Variants in BCL2L11 observed in about 807,000 individuals in gnomAD.
BCL2L11 encodes the protein bcl-2-like protein 11.
Under a neutral mutation model 20.6 loss-of-function variants are expected in BCL2L11, and 15 were observed. That is an observed-to-expected ratio of 0.73 (90% CI 0.49 to 1.12). The LOEUF is 1.12. Ranked by LOEUF, BCL2L11 falls within the 50% of genes most tolerant of loss-of-function variation. The probability of loss-of-function intolerance (pLI) is 0.00; values close to 1 mark genes in which losing one functional copy is unlikely to be tolerated. For synonymous variants in BCL2L11, 108 were observed against 92.8 expected, an observed-to-expected ratio of 1.16 and a Z score of -0.94; for missense variants, 292 against 260.9, an observed-to-expected ratio of 1.12 and a Z score of -0.82.
At chr2:111,136,518 C>G (rs1457647853) in intron 2 of BCL2L11, among the ~76,000 whole-genome samples, 2 of 152,136 alleles carry the variant, frequency 1.3e-5, no homozygotes, top group Non-Finnish European at 2.9e-5. Context: ...TTGTCTTAGT[C>G]CCTTTGAGCT....
chr2:111,150,761 T>A (rs1215083966), intron 3 of BCL2L11, among the ~76,000 whole-genome samples: 1 of 152,266 alleles, frequency 6.6e-6, no homozygotes, highest in African/African-American at 2.4e-5. Context: ...AGCTATGTTC[T>A]TGATTTTTTA....
intron 2 of BCL2L11, among the ~76,000 whole-genome samples, chr2:111,125,476 C>G (rs1559015270): frequency 6.6e-6 from 1 of 152,156 alleles, no homozygotes; most frequent in Non-Finnish European, 1.5e-5. Context: ...ATTAGGAAAC[C>G]CAGTACAGAG....
intron 3 of BCL2L11, among the ~76,000 whole-genome samples, chr2:111,157,267 C>T (rs1575185045): frequency 6.6e-6 from 1 of 152,106 alleles, no homozygotes; most frequent in Non-Finnish European, 1.5e-5. Context: ...TTTTAAATCT[C>T]TTGAGGAGGA....
At chr2:111,139,728 G>A (rs2075508607) in intron 2 of BCL2L11, among the ~76,000 whole-genome samples, 1 of 152,210 alleles carries the variant, frequency 6.6e-6, no homozygotes, top group African/African-American at 2.4e-5. Flanking sequence ...GTTTGTAAGA[G>A]GCCAGGCCTT....
At chr2:111,137,004 C>T (rs1352003716) in intron 2 of BCL2L11, among the ~76,000 whole-genome samples, 1 of 152,026 alleles carries the variant, frequency 6.6e-6, no homozygotes, top group Non-Finnish European at 1.5e-5. Context: ...GTGTGACTCT[C>T]ATGGTGTGAC....
chr2:111,129,768 C>T (rs2073514428), intron 2 of BCL2L11, among the ~76,000 whole-genome samples: 1 of 152,244 alleles, frequency 6.6e-6, no homozygotes, highest in Non-Finnish European at 1.5e-5. Context: ...TAGCCACAGC[C>T]ACCTTTCTGT....
Position 111,121,200 on chromosome 2 carries a change from C to A in BCL2L11, c.-14+12C>A. ...CTGAGAAACGCAAGGTAAATACCTCCAAATCCCGGGGCGCGGGCCTGGCAC... is the reference window on the plus strand; with the variant it reads ...CTGAGAAACGCAAGGTAAATACCTCAAAATCCCGGGGCGCGGGCCTGGCAC... On this transcript the variant is annotated intron_variant, in intron 1 of 3. Transcript: ENST00000393256. 1 of 224,646 alleles carries A rather than the reference C, an allele frequency of 4.5e-6. No homozygotes were observed. The highest frequency in any genetic ancestry group is 8.8e-6 in the Non-Finnish European group (1 of 113,286). 13.9% of individuals were successfully genotyped at this position (224,646 alleles called of 1,614,324 possible).
chr2:111,128,705 A>G, intron 2 of BCL2L11: 1 of 1,549,904 alleles, frequency 6.5e-7, no homozygotes, highest in East Asian at 2.4e-5. Flanking sequence ...TATGGCCACC[A>G]CCATAGTCAA....
chr2:111,123,171 C>T, intron 1 of BCL2L11: 1 of 985,450 alleles, frequency 1.0e-6, no homozygotes, highest in South Asian at 4.7e-5. Context: ...GGAGAGAGCG[C>T]CAGAGCCGGG....
intron 2 of BCL2L11, among the ~76,000 whole-genome samples, chr2:111,139,165 G>A (rs72948337): frequency 1.1e-4 from 16 of 152,182 alleles, no homozygotes; most frequent in African/African-American, 2.2e-4. Context: ...GGAGGGGGGC[G>A]TGGGAAGAGG....
At chr2:111,146,121 A>G (rs3761704) in intron 2 of BCL2L11, 126,972 of 984,766 alleles carry the variant, frequency 0.13, 8,405 homozygotes, top group East Asian at 0.26. Flanking sequence ...TATGGAGTGA[A>G]GTGCTTTCAT....
chr2:111,143,688 G>C (rs1170434759), intron 2 of BCL2L11, among the ~76,000 whole-genome samples: 1 of 152,166 alleles, frequency 6.6e-6, no homozygotes, highest in Admixed American at 6.5e-5. Flanking sequence ...GCAAGATGCT[G>C]GGCTTCTGTC....
chr2:111,157,926 TC>T lies in BCL2L11; in HGVS notation c.499-6205del, dbSNP rs1184812375. Among the ~76,000 whole-genome samples, 6 of 152,160 alleles carry T rather than the reference TC, an allele frequency of 3.9e-5. No homozygotes were observed. In the East Asian group the frequency reaches 1.2e-3, roughly 29 times the overall value. On this transcript the variant is annotated intron_variant, in intron 3 of 3. Transcript: ENST00000393256. ...GGTACCATGCATCTGGGAGGGAACT[TC>T]CTAGTGCCCTTTCCCCAGCTGTGGT...
chr2:111,144,806 C>G (rs992252193), intron 2 of BCL2L11, among the ~76,000 whole-genome samples: 1 of 152,128 alleles, frequency 6.6e-6, no homozygotes, highest in Non-Finnish European at 1.5e-5. Flanking sequence ...TTACAGGATC[C>G]TTTATTGCTT....
At position 111,120,926 on chromosome 2, in the gene BCL2L11, G is replaced by C; in HGVS notation, c.-276G>C. The C allele has an allele frequency of 2.9e-6, 1 of 344,552 alleles. No individual in the cohort carries two copies. Among genetic ancestry groups the C allele is most frequent in the Non-Finnish European group, 5.1e-6 (1 of 194,208 alleles). 21.3% of individuals were successfully genotyped at this position (344,552 alleles called of 1,614,324 possible). The stretch of plus-strand genomic sequence containing the variant: ...CCGCGCAGGTTTCACTTCGCTCCGC[G>C]CAGCCGCCTGGTCTGCAGTTTGTTG... On this transcript the variant is annotated 5_prime_UTR_variant, in exon 1 of 4. Coordinates refer to ENST00000393256, the MANE Select transcript of BCL2L11 (RefSeq NM_138621.5).
rs750226410 is a variant in BCL2L11 at position 111,123,713 on chromosome 2, A to G, written c.-13-20A>G. The G allele has an allele frequency of 1.4e-6, 2 of 1,387,214 alleles. No individual in the cohort carries two copies. Among genetic ancestry groups the G allele is most frequent in the Non-Finnish European group, 1.9e-6 (2 of 1,063,834 alleles). The allele number at this position is 1,387,214 out of a possible 1,614,324, so 85.9% of individuals were successfully genotyped here. On this transcript the variant is annotated intron_variant, in intron 1 of 3. Transcript: ENST00000393256. ...TTTTTTTTTTGCTTAAAATAATCTT[A>G]GTTTTTATTTTACTTGCAGAAAAAA...
At chr2:111,160,290 C>T (rs1283462183) in intron 3 of BCL2L11, among the ~76,000 whole-genome samples, 3 of 152,208 alleles carry the variant, frequency 2.0e-5, no homozygotes, top group Non-Finnish European at 2.9e-5. Context: ...TTTTCCCTCT[C>T]ATTTTATTTG....
At chr2:111,153,846 G>C (rs1468735052) in intron 3 of BCL2L11, 2 of 1,551,690 alleles carry the variant, frequency 1.3e-6, no homozygotes, top group Non-Finnish European at 1.7e-6. Context: ...CAGTGGGGAA[G>C]CGTTTGAGAC....
intron 2 of BCL2L11, among the ~76,000 whole-genome samples, chr2:111,135,432 AC>A (rs1309374330): frequency 6.6e-6 from 1 of 151,974 alleles, no homozygotes; most frequent in Non-Finnish European, 1.5e-5. Context: ...TCCCTCAGCC[AC>A]TGCTGACACC....
Sources: allele counts gnomAD v4.1 joint callset (sites outside exome capture counted in the v4.1 genomes callset), GRCh38; gene constraint gnomAD v4.1.1; transcripts MANE v1.5; gene names NCBI Gene and HGNC (gene_info 2026-07-23, HGNC 2026-07-21).